Variants in CPQ observed in about 807,000 individuals in gnomAD.
The protein encoded by CPQ is carboxypeptidase Q.
Under a neutral mutation model 45.7 loss-of-function variants are expected in CPQ, and 37 were observed. That is an observed-to-expected ratio of 0.81 (90% CI 0.62 to 1.07). CPQ has a LOEUF of 1.07. Among genes scored for constraint, CPQ ranks in the 50% least tolerant of loss-of-function variants. The pLI, the probability that CPQ is intolerant of heterozygous loss-of-function variation, is 0.00. For synonymous variants in CPQ, 186 were observed against 205.8 expected (o/e 0.90, Z 0.82); for missense variants, 537 against 572.9 (o/e 0.94, Z 0.64).
intron 4 of CPQ, among the ~76,000 whole-genome samples, chr8:96,948,966 C>G (rs1215822337): frequency 1.3e-5 from 2 of 152,042 alleles, no homozygotes; most frequent in African/African-American, 4.8e-5. Context: ...CCCATGCATT[C>G]TTTTGGTTAC....
intron 1 of CPQ, among the ~76,000 whole-genome samples, chr8:96,648,152 G>A (rs1489980848): frequency 3.9e-5 from 6 of 152,002 alleles, no homozygotes; most frequent in African/African-American, 1.2e-4. Flanking sequence ...TTTCTTTTTC[G>A]TCAGCCAAGT....
chr8:96,954,949 A>G (rs1813332161), intron 4 of CPQ, among the ~76,000 whole-genome samples: 2 of 152,182 alleles, frequency 1.3e-5, no homozygotes, highest in Admixed American at 1.3e-4. Flanking sequence ...ATGGCTGCAT[A>G]GTATTCCATG....
intron 4 of CPQ, among the ~76,000 whole-genome samples, chr8:96,916,977 A>C (rs1812742251): frequency 6.6e-6 from 1 of 152,130 alleles, no homozygotes; most frequent in African/African-American, 2.4e-5. Flanking sequence ...ATTGCTGTTG[A>C]TGGTAACTTT....
intron 2 of CPQ, among the ~76,000 whole-genome samples, chr8:96,802,388 T>C (rs1811018800): frequency 6.6e-6 from 1 of 152,170 alleles, no homozygotes; most frequent in Non-Finnish European, 1.5e-5. Flanking sequence ...AAAGAAACAT[T>C]TTGTGATGCA....
intron 2 of CPQ, among the ~76,000 whole-genome samples, chr8:96,794,305 G>A (rs555586754): frequency 2.6e-5 from 4 of 152,308 alleles, no homozygotes; most frequent in African/African-American, 9.6e-5. Context: ...TCAACATCAT[G>A]TGGAAGATGC....
intron 5 of CPQ, among the ~76,000 whole-genome samples, chr8:97,016,055 G>A (rs1386365351): frequency 6.6e-6 from 1 of 151,770 alleles, no homozygotes; most frequent in East Asian, 1.9e-4. Flanking sequence ...GCTATATATT[G>A]TATTTATATT....
At chr8:96,774,117 A>G (rs1333766329) in intron 1 of CPQ, among the ~76,000 whole-genome samples, 1 of 152,078 alleles carries the variant, frequency 6.6e-6, no homozygotes, top group Non-Finnish European at 1.5e-5. Flanking sequence ...CTAAAAATAG[A>G]AAAATTAGCC....
intron 7 of CPQ, among the ~76,000 whole-genome samples, chr8:97,086,750 A>G (rs904258883): frequency 6.6e-6 from 1 of 152,148 alleles, no homozygotes; most frequent in African/African-American, 2.4e-5. Context: ...AAATATCTCA[A>G]AACTCACATT....
At chr8:96,987,145 C>G (rs1232715979) in intron 5 of CPQ, among the ~76,000 whole-genome samples, 1 of 152,100 alleles carries the variant, frequency 6.6e-6, no homozygotes, top group Non-Finnish European at 1.5e-5. Context: ...CCTAAATATG[C>G]TATACTTTCA....
chr8:97,016,612 T>TA (rs2130447960), intron 5 of CPQ, among the ~76,000 whole-genome samples: 1 of 152,172 alleles, frequency 6.6e-6, no homozygotes, highest in African/African-American at 2.4e-5. Flanking sequence ...AAAATGAAAA[T>TA]AGAGTTATGC....
intron 5 of CPQ, among the ~76,000 whole-genome samples, chr8:96,974,148 C>A (rs935631807): frequency 6.6e-6 from 1 of 152,002 alleles, no homozygotes; most frequent in African/African-American, 2.4e-5. Flanking sequence ...TAAGGACTCA[C>A]GTAAACTTAA....
intron 7 of CPQ, among the ~76,000 whole-genome samples, chr8:97,112,271 T>G (rs1488494128): frequency 6.6e-6 from 1 of 151,848 alleles, no homozygotes; most frequent in East Asian, 1.9e-4. Flanking sequence ...ATATAGACAC[T>G]CAACGAGTCA....
At chr8:96,753,386 C>G (rs547440814) in intron 1 of CPQ, among the ~76,000 whole-genome samples, 2 of 152,042 alleles carry the variant, frequency 1.3e-5, no homozygotes, top group African/African-American at 4.8e-5. Flanking sequence ...TTTTCACACA[C>G]AATATTTGCC....
intron 1 of CPQ, among the ~76,000 whole-genome samples, chr8:96,770,439 C>G (rs2130797897): frequency 6.6e-6 from 1 of 152,268 alleles, no homozygotes; most frequent in South Asian, 2.1e-4. Context: ...CTCCTTCCCC[C>G]ATGTTTCTCT....
chr8:96,937,396 C>T (rs745431336), intron 4 of CPQ, among the ~76,000 whole-genome samples: 7 of 152,032 alleles, frequency 4.6e-5, no homozygotes, highest in Non-Finnish European at 8.8e-5. Flanking sequence ...GTGTCGGTGG[C>T]CACCCCCAGC....
At chr8:97,080,761 C>A (rs1810932218) in intron 7 of CPQ, among the ~76,000 whole-genome samples, 1 of 152,064 alleles carries the variant, frequency 6.6e-6, no homozygotes, top group Admixed American at 6.6e-5. Flanking sequence ...CATTTGCTGT[C>A]TTAATTCTTT....
At chr8:96,747,495 T>G (rs1200395556) in intron 1 of CPQ, among the ~76,000 whole-genome samples, 1 of 152,140 alleles carries the variant, frequency 6.6e-6, no homozygotes, top group African/African-American at 2.4e-5. Flanking sequence ...GCTTTCAAAA[T>G]TCATCCATGT....
chr8:97,111,583 T>C (rs902546228), intron 7 of CPQ, among the ~76,000 whole-genome samples: 1 of 152,182 alleles, frequency 6.6e-6, no homozygotes, highest in Non-Finnish European at 1.5e-5. Flanking sequence ...CCTCCTACCA[T>C]CATCTTGAAG....
intron 7 of CPQ, among the ~76,000 whole-genome samples, chr8:97,117,511 T>A (rs1447841346): frequency 2.0e-5 from 3 of 152,102 alleles, no homozygotes; most frequent in Non-Finnish European, 4.4e-5. Context: ...TGACAATTTC[T>A]TTATTATTAT....
Sources: allele counts gnomAD v4.1 joint callset (sites outside exome capture counted in the v4.1 genomes callset), GRCh38; gene constraint gnomAD v4.1.1; transcripts MANE v1.5; gene names NCBI Gene and HGNC (gene_info 2026-07-23, HGNC 2026-07-21).